Variants in RYR3 observed in about 807,000 individuals in gnomAD.
The protein encoded by RYR3 is ryanodine receptor 3.
A neutral mutation model predicts 584.3 loss-of-function variants in RYR3; 207 were observed. The observed-to-expected ratio is 0.35, with a 90% CI of 0.32 to 0.40. The LOEUF is 0.40. Among genes scored for constraint, RYR3 ranks in the 10% least tolerant of loss-of-function variants. RYR3 has a pLI of 1.00. For synonymous variants in RYR3, 2,416 were observed against 2,248.5 expected (o/e 1.07, Z -2.11); for missense variants, 5,616 against 6,089.2 (o/e 0.92, Z 2.59).
intron 60 of RYR3, among the ~76,000 whole-genome samples, chr15:33,766,782 A>C (rs1046488220): frequency 6.6e-6 from 1 of 152,206 alleles, no homozygotes; most frequent in Non-Finnish European, 1.5e-5. Flanking sequence ...CCTTTTCTGC[A>C]TCTGCAGCCC....
At chr15:33,804,208 G>C (rs1421377974) in intron 69 of RYR3, among the ~76,000 whole-genome samples, 1 of 152,186 alleles carries the variant, frequency 6.6e-6, no homozygotes, top group African/African-American at 2.4e-5. Flanking sequence ...TTTCATTTCT[G>C]TTGTTGTCAT....
At chr15:33,456,658 C>G (rs888652648) in intron 1 of RYR3, among the ~76,000 whole-genome samples, 1 of 152,114 alleles carries the variant, frequency 6.6e-6, no homozygotes, top group Admixed American at 6.6e-5. Context: ...CACAAAAGAA[C>G]TTGATAATGA....
intron 1 of RYR3, among the ~76,000 whole-genome samples, chr15:33,409,223 G>C (rs1238093212): frequency 2.6e-5 from 4 of 151,972 alleles, no homozygotes; most frequent in Admixed American, 1.3e-4. Flanking sequence ...TAACGTGCAT[G>C]TGTACAATGT....
intron 5 of RYR3, among the ~76,000 whole-genome samples, chr15:33,535,425 T>A (rs866285383): frequency 6.6e-6 from 1 of 152,206 alleles, no homozygotes; most frequent in Non-Finnish European, 1.5e-5. Flanking sequence ...TAAAATAATA[T>A]TAGATTTGAA....
chr15:33,365,746 ACTT>A (rs1975404837), intron 1 of RYR3, among the ~76,000 whole-genome samples: 1 of 152,180 alleles, frequency 6.6e-6, no homozygotes, highest in Admixed American at 6.5e-5. Context: ...ATAGGAGGAA[ACTT>A]TGGGAGATGA....
At chr15:33,477,593 A>AG (rs917744063) in intron 2 of RYR3, among the ~76,000 whole-genome samples, 1 of 149,718 alleles carries the variant, frequency 6.7e-6, no homozygotes, top group African/African-American at 2.5e-5. Flanking sequence ...AAAAAAAAAA[A>AG]GGCTGGGCGC....
intron 97 of RYR3, 103 bp from the exon 98 acceptor site, chr15:33,854,663 C>A: frequency 7.0e-7 from 1 of 1,438,522 alleles, no homozygotes; most frequent in South Asian, 1.4e-5. Context: ...AGCACCTAAA[C>A]CCCCTCTATC....
At chr15:33,586,284 G>A (rs1021293762) in intron 16 of RYR3, among the ~76,000 whole-genome samples, 168 bp downstream of exon 16, 3 of 152,134 alleles carry the variant, frequency 2.0e-5, no homozygotes, top group Admixed American at 2.0e-4. Context: ...CTCCAAGCTG[G>A]GCAGCCACAC....
intron 1 of RYR3, among the ~76,000 whole-genome samples, chr15:33,345,485 C>T (rs976426799): frequency 1.3e-5 from 2 of 152,154 alleles, no homozygotes; most frequent in African/African-American, 4.8e-5. Context: ...TCTAAAGGCC[C>T]ATGTTCCTGG....
At chr15:33,597,798 A>G (rs1160137321) in intron 16 of RYR3, among the ~76,000 whole-genome samples, 1 of 150,908 alleles carries the variant, frequency 6.6e-6, no homozygotes, top group Non-Finnish European at 1.5e-5. Flanking sequence ...GAGCTCTTTT[A>G]TATATTGTTA....
chr15:33,801,192 A>AT (rs1394410172), intron 68 of RYR3, among the ~76,000 whole-genome samples: 4 of 152,150 alleles, frequency 2.6e-5, no homozygotes, highest in African/African-American at 9.7e-5. Flanking sequence ...GGATTCAAAG[A>AT]TTTTCTGACT....
intron 102 of RYR3, among the ~76,000 whole-genome samples, chr15:33,862,162 G>C (rs965950930): frequency 6.6e-6 from 1 of 151,920 alleles, no homozygotes. Context: ...GCTGGGCTCT[G>C]CTCCCCAGCC....
intron 38 of RYR3, among the ~76,000 whole-genome samples, chr15:33,689,041 A>C (rs898043020): frequency 6.6e-6 from 1 of 152,142 alleles, no homozygotes; most frequent in Non-Finnish European, 1.5e-5. Flanking sequence ...AATACTATGC[A>C]GCCATAAAAA....
At chr15:33,604,856 A>C (rs1192069809) in intron 18 of RYR3, among the ~76,000 whole-genome samples, 1 of 152,230 alleles carries the variant, frequency 6.6e-6, no homozygotes, top group Non-Finnish European at 1.5e-5. Flanking sequence ...TCTGAGAAGA[A>C]AGAATCCTTA....
chr15:33,795,568 A>G (rs1473581266), intron 67 of RYR3, among the ~76,000 whole-genome samples: 1 of 151,442 alleles, frequency 6.6e-6, no homozygotes, highest in East Asian at 1.9e-4. Context: ...CTAATTTTGT[A>G]TTTTTAGTAG....
chr15:33,455,526 TG>T (rs1363850501), intron 1 of RYR3, among the ~76,000 whole-genome samples: 2 of 152,118 alleles, frequency 1.3e-5, no homozygotes, highest in East Asian at 3.9e-4. Flanking sequence ...AAAGAAAAGA[TG>T]GTTTCCAGAA....
intron 1 of RYR3, among the ~76,000 whole-genome samples, chr15:33,471,079 AT>A (rs1378664212): frequency 1.3e-5 from 2 of 152,164 alleles, no homozygotes; most frequent in African/African-American, 4.8e-5. Context: ...CAGTGCAAAG[AT>A]TTCAGTGTCA....
intron 2 of RYR3, among the ~76,000 whole-genome samples, chr15:33,493,410 C>T (rs1346756435): frequency 6.6e-6 from 1 of 152,170 alleles, no homozygotes; most frequent in Non-Finnish European, 1.5e-5. Flanking sequence ...GGGATTGTTA[C>T]GTTCCCATTA....
intron 34 of RYR3, 61 bp downstream of exon 34, chr15:33,660,484 C>A: frequency 8.3e-7 from 1 of 1,208,382 alleles, no homozygotes; most frequent in Non-Finnish European, 1.1e-6. Flanking sequence ...CAGAGCCAAG[C>A]CAGCCCAGAA....
Sources: gnomAD v4.1 joint callset for allele counts (sites outside exome capture counted in the v4.1 genomes callset) on GRCh38, gnomAD v4.1.1 for gene constraint, MANE v1.5 for transcripts, NCBI Gene and HGNC (gene_info 2026-07-23, HGNC 2026-07-21) for gene names.